SLC4A4: variants seen among roughly 807,000 people sequenced by gnomAD.
SLC4A4 encodes electrogenic sodium bicarbonate cotransporter 1.
A neutral mutation model predicts 111.5 loss-of-function variants in SLC4A4; 27 were observed. That is an observed-to-expected ratio of 0.24 (90% CI 0.18 to 0.33). The LOEUF (loss-of-function observed/expected upper bound fraction) is 0.33, where lower values mean the gene tolerates loss of function less well. Among genes scored for constraint, SLC4A4 ranks in the 10% least tolerant of loss-of-function variants. The pLI, the probability that SLC4A4 is intolerant of heterozygous loss-of-function variation, is 1.00. For missense variants in SLC4A4, 909 were observed against 1,315.5 expected (o/e 0.69, Z 4.78); for synonymous variants, 443 against 463.4 (o/e 0.96, Z 0.57).
At chr4:71,182,983 C>T (rs1234163421), upstream of SLC4A4, among the ~76,000 whole-genome samples, 3 of 152,108 alleles carry the variant, frequency 2.0e-5, no homozygotes, top group Non-Finnish European at 4.4e-5. Context: ...AAACATTGGC[C>T]TAAGGTTATT....
At chr4:71,177,687 T>G (rs1272525986) in intron 2 of SLC4A4, among the ~76,000 whole-genome samples, 1 of 152,148 alleles carries the variant, frequency 6.6e-6, no homozygotes, top group East Asian at 1.9e-4. Flanking sequence ...AGCACATCCT[T>G]AGTGACCTAC....
intron 14 of SLC4A4, among the ~76,000 whole-genome samples, chr4:71,478,295 G>A (rs184877348): frequency 2.3e-3 from 346 of 150,708 alleles, no homozygotes; most frequent in African/African-American, 7.7e-3. Flanking sequence ...CGTTCTGTAA[G>A]GACACATGCA....
intron 16 of SLC4A4, among the ~76,000 whole-genome samples, chr4:71,508,315 T>G (rs1035436163): frequency 6.6e-6 from 1 of 151,812 alleles, no homozygotes; most frequent in Non-Finnish European, 1.5e-5. Flanking sequence ...TTTGAAAAAA[T>G]TAATAAAATA....
At chr4:71,331,783 A>T (rs1178505235) in intron 3 of SLC4A4, among the ~76,000 whole-genome samples, 1 of 151,914 alleles carries the variant, frequency 6.6e-6, no homozygotes, top group African/African-American at 2.4e-5. Context: ...TTCTTCTTTA[A>T]ATTCAGCTGT....
intron 3 of SLC4A4, among the ~76,000 whole-genome samples, chr4:71,258,153 G>A (rs1221578733): frequency 6.6e-6 from 1 of 152,142 alleles, no homozygotes; most frequent in African/African-American, 2.4e-5. Flanking sequence ...CCTGTGATGT[G>A]CCATTCTCTC....
chr4:71,130,598 C>A (rs1743676057), intron 2 of SLC4A4, among the ~76,000 whole-genome samples: 1 of 152,116 alleles, frequency 6.6e-6, no homozygotes, highest in African/African-American at 2.4e-5. Flanking sequence ...TTAGTGATAT[C>A]ATACTTATTT....
At chr4:71,557,632 T>C (rs1425456935) in intron 21 of SLC4A4, 80 bp from the exon 22 acceptor site, 3 of 1,388,914 alleles carry the variant, frequency 2.2e-6, no homozygotes, top group African/African-American at 1.4e-5. Context: ...TTATAGAATA[T>C]AAATCAGTAG....
intron 1 of SLC4A4, among the ~76,000 whole-genome samples, chr4:71,198,426 A>G (rs753503519): frequency 6.6e-6 from 1 of 152,310 alleles, no homozygotes; most frequent in Non-Finnish European, 1.5e-5. Flanking sequence ...AGTCTTGTCT[A>G]GAATATTCCT....
Position 71,569,654 on chromosome 4 carries a change from G to T in SLC4A4, c.*1903G>T, listed in dbSNP as rs1737783926. ...CCTAACTATAACCAGTTGTTGAGGG[G>T]TATACTAGAAGCAGAATGAAACCAC... On this transcript the variant is annotated 3_prime_UTR_variant, in exon 26 of 26. Transcript: ENST00000264485. 1 of 151,580 alleles carries T rather than the reference G, an allele frequency of 6.6e-6. No homozygotes were observed. The highest frequency in any genetic ancestry group is 2.1e-4 in the South Asian group (1 of 4,826). The allele number at this position is 151,580 out of a possible 1,614,324, so 9.4% of individuals were successfully genotyped here.
intron 20 of SLC4A4, among the ~76,000 whole-genome samples, chr4:71,553,168 C>T (rs949661025): frequency 2.6e-5 from 4 of 151,820 alleles, no homozygotes; most frequent in Non-Finnish European, 5.9e-5. Flanking sequence ...TAATAGCCTT[C>T]TTTATATGTA....
chr4:71,559,547 C>G (rs1736768707), intron 22 of SLC4A4, among the ~76,000 whole-genome samples: 1 of 151,676 alleles, frequency 6.6e-6, no homozygotes, highest in Non-Finnish European at 1.5e-5. Flanking sequence ...AACATAATGT[C>G]TGGGACATGT....
intron 2 of SLC4A4, among the ~76,000 whole-genome samples, chr4:71,173,022 C>A (rs945700567): frequency 6.6e-6 from 1 of 152,146 alleles, no homozygotes; most frequent in African/African-American, 2.4e-5. Context: ...GTTACCAGTG[C>A]ATGGGAAATT....
chr4:71,502,174 T>C (rs1731003672), intron 16 of SLC4A4, among the ~76,000 whole-genome samples: 1 of 152,168 alleles, frequency 6.6e-6, no homozygotes, highest in Non-Finnish European at 1.5e-5. Flanking sequence ...TTGACCAGAC[T>C]CATCTTGAAC....
intron 2 of SLC4A4, among the ~76,000 whole-genome samples, chr4:71,181,936 T>G (rs1372458162): frequency 6.6e-6 from 1 of 152,188 alleles, no homozygotes; most frequent in Non-Finnish European, 1.5e-5. Context: ...GGGAGTGCTG[T>G]TATCATTACA....
intron 1 of SLC4A4, among the ~76,000 whole-genome samples, chr4:71,071,981 G>A (rs1741676088): frequency 1.3e-5 from 2 of 152,114 alleles, no homozygotes; most frequent in South Asian, 4.1e-4. Context: ...TCTCAACAGA[G>A]CTGGCACCAA....
intron 2 of SLC4A4, among the ~76,000 whole-genome samples, chr4:71,101,667 A>G (rs951458286): frequency 2.0e-5 from 3 of 152,182 alleles, no homozygotes; most frequent in African/African-American, 7.2e-5. Flanking sequence ...GCACACTGAC[A>G]TCTCACATGG....
intron 7 of SLC4A4, among the ~76,000 whole-genome samples, chr4:71,407,297 A>G (rs1043133694): frequency 2.0e-5 from 3 of 152,214 alleles, no homozygotes; most frequent in East Asian, 3.9e-4. Context: ...TGCTGCCACA[A>G]TGATTAAAAT....
intron 1 of SLC4A4, among the ~76,000 whole-genome samples, chr4:71,213,064 C>T (rs1718229720): frequency 6.6e-6 from 1 of 152,144 alleles, no homozygotes; most frequent in Non-Finnish European, 1.5e-5. Context: ...TACCACATAG[C>T]CTAGGTGTGT....
At chr4:71,167,938 T>C (rs889559488) in intron 2 of SLC4A4, among the ~76,000 whole-genome samples, 1 of 152,192 alleles carries the variant, frequency 6.6e-6, no homozygotes, top group Non-Finnish European at 1.5e-5. Flanking sequence ...TAGTCTGTTT[T>C]GTGCTGCTAA....
Sources: gnomAD v4.1 joint callset for allele counts (sites outside exome capture counted in the v4.1 genomes callset) on GRCh38, gnomAD v4.1.1 for gene constraint, MANE v1.5 for transcripts, NCBI Gene and HGNC (gene_info 2026-07-23, HGNC 2026-07-21) for gene names.